The following PCYT2 variants were observed in gnomAD, a reference collection of about 807,000 sequenced individuals.
PCYT2 encodes the protein ethanolamine-phosphate cytidylyltransferase.
Under a neutral mutation model 50.0 loss-of-function variants are expected in PCYT2, and 33 were observed. The observed-to-expected ratio is 0.66, with a 90% confidence interval of 0.50 to 0.88. The LOEUF is 0.88. Among genes scored for constraint, PCYT2 ranks in the 40% least tolerant of loss-of-function variants. The probability of loss-of-function intolerance (pLI) is 0.00; values close to 1 mark genes in which losing one functional copy is unlikely to be tolerated. For synonymous variants in PCYT2, 240 were observed against 203.7 expected (o/e 1.18, Z -1.52); for missense variants, 430 against 519.7 (o/e 0.83, Z 1.68).
intron 3 of PCYT2, 37 bp downstream of exon 3, chr17:81,908,839 T>C: frequency 1.9e-6 from 3 of 1,569,190 alleles, no homozygotes; most frequent in Non-Finnish European, 2.6e-6. Context: ...AGCCACCTGA[T>C]GTCCCCAGGC....
Position 81,902,472 on chromosome 17 carries a change from G to T in PCYT2, c.*2361C>A. The stretch of plus-strand genomic sequence containing the variant: ...AGCCCTACAGAGGGGCGGAACCCCC[G>T]GGCGGGGCCGGCGCCTCCCCGGAGC... On this transcript the variant is annotated 3_prime_UTR_variant, in exon 13 of 13. Transcript: ENST00000538936. 1 of 1,390,920 alleles carries T rather than the reference G, an allele frequency of 7.2e-7. No homozygotes were observed. Among genetic ancestry groups the T allele is most frequent in the Non-Finnish European group, 9.2e-7 (1 of 1,081,364 alleles). 86.2% of individuals were successfully genotyped at this position (1,390,920 alleles called of 1,614,324 possible). A position where few individuals can be genotyped will look rare whatever the true frequency, so the allele number is the denominator to read the frequency against.
Position 81,902,729 on chromosome 17 carries a change from C to A in PCYT2, c.*2104G>T. On this transcript the variant is annotated 3_prime_UTR_variant, in exon 13 of 13. Transcript: ENST00000538936. ...AACGTCTTCCTGTCCCTGCGCGCAG[C>A]CGACTGCCTCGCCGCCTGAGCCCGG... 2 of 1,607,542 alleles carry A rather than the reference C, an allele frequency of 1.2e-6. No homozygotes were observed. The highest frequency in any genetic ancestry group is 1.7e-6 in the Non-Finnish European group (2 of 1,178,176).
intron 1 of PCYT2, among the ~76,000 whole-genome samples, chr17:81,910,569 C>T (rs559387626): frequency 2.6e-5 from 4 of 152,190 alleles, no homozygotes. Flanking sequence ...AGGGCAAGGT[C>T]AAAGTCCACT....
At chr17:81,910,560 G>C (rs1224224750) in intron 1 of PCYT2, among the ~76,000 whole-genome samples, 1 of 152,206 alleles carries the variant, frequency 6.6e-6, no homozygotes, top group Non-Finnish European at 1.5e-5. Context: ...GGCCTGGTCA[G>C]GGCAAGGTCA....
intron 6 of PCYT2, chr17:81,907,233 C>A (rs1412688883): frequency 6.5e-7 from 1 of 1,534,444 alleles, no homozygotes; most frequent in Non-Finnish European, 8.7e-7. Flanking sequence ...GAAAGTATGT[C>A]CCCGGCGGGT....
rs779036132 is a variant in PCYT2 at position 81,907,757 on chromosome 17, TCCG to T, written c.492+13_492+15del. The stretch of plus-strand genomic sequence containing the variant: ...ACCTCGACCCAGGGGCCTCGGGGAT[TCCG>T]CCGCCGACTCACCTGGCTGCTGTGA... On this transcript the variant is annotated intron_variant, in intron 5 of 12. Transcript: ENST00000538936. 2 of 1,612,094 alleles carry T rather than the reference TCCG, an allele frequency of 1.2e-6. No homozygotes were observed. The highest frequency in any genetic ancestry group is 4.5e-5 in the East Asian group (2 of 44,898).
chr17:81,905,984 G>T, intron 9 of PCYT2, 116 bp downstream of exon 9: 1 of 914,664 alleles, frequency 1.1e-6, no homozygotes, highest in Non-Finnish European at 1.7e-6. Context: ...CGGGGTGCTG[G>T]GTGCAGCTCT....
At chr17:81,907,202 A>AC (rs2040321366) in intron 6 of PCYT2, 1 of 1,531,320 alleles carries the variant, frequency 6.5e-7, no homozygotes, top group Non-Finnish European at 8.7e-7. Flanking sequence ...CTGTCTGGTC[A>AC]CCTGGGAGCA....
intron 6 of PCYT2, chr17:81,907,313 A>G: frequency 6.9e-7 from 1 of 1,451,168 alleles, no homozygotes; most frequent in Non-Finnish European, 9.2e-7. Context: ...TCCACAGGCA[A>G]ATCCTTGCTC....
At chr17:81,906,982 C>T (rs1489051151) in intron 6 of PCYT2, 84 bp from the exon 7 acceptor site, 9 of 1,447,222 alleles carry the variant, frequency 6.2e-6, no homozygotes, top group South Asian at 3.8e-5. Context: ...TCAGCTGTCA[C>T]CTGCCAGCAA....
In PCYT2 at chr17:81,907,369, G is replaced by A. The variant is rs1032530578; in HGVS notation, c.537+185C>T. ...GACCGGCCAGCCGGTGCCACCACCC[G>A]CCTGCCCTCCCTCCCAGCATCCACC... On this transcript the variant is annotated intron_variant, in intron 6 of 12. Coordinates refer to ENST00000538936, the MANE Select transcript of PCYT2 (RefSeq NM_002861.5). The A allele has an allele frequency of 2.6e-5, 32 of 1,216,594 alleles. 1 individual carries two copies. Among genetic ancestry groups the A allele is most frequent in the African/African-American group, 3.0e-5 (2 of 67,094 alleles). 75.4% of individuals were successfully genotyped at this position (1,216,594 alleles called of 1,614,324 possible).
chr17:81,907,509 C>T (rs984210731), intron 6 of PCYT2, 45 bp downstream of exon 6: 8 of 1,575,006 alleles, frequency 5.1e-6, no homozygotes, highest in East Asian at 2.3e-5. Flanking sequence ...CCGGGGGAGC[C>T]CCCTGCAGCT....
chr17:81,902,531 G>A lies in PCYT2; in HGVS notation c.*2302C>T, dbSNP rs942777659. On this transcript the variant is annotated 3_prime_UTR_variant, in exon 13 of 13. Transcript: ENST00000538936. ...CACCCCAGGCTGCGGAGCCTCGTGA[G>A]TCCGGCGTGCCGGGGACTGATGGGG... 2 of 1,461,404 alleles carry A rather than the reference G, an allele frequency of 1.4e-6. No homozygotes were observed. Among genetic ancestry groups the A allele is most frequent in the African/African-American group, 1.5e-5 (1 of 66,974 alleles). The allele number at this position is 1,461,404 out of a possible 1,614,324, so 90.5% of individuals were successfully genotyped here. A position where few individuals can be genotyped will look rare whatever the true frequency, so the allele number is the denominator to read the frequency against.
chr17:81,909,475 G>A, intron 2 of PCYT2, 39 bp downstream of exon 2: 1 of 1,568,744 alleles, frequency 6.4e-7, no homozygotes, highest in African/African-American at 1.3e-5. Context: ...CCACAGGAGG[G>A]CTGGGGGGCC....
In PCYT2 at chr17:81,902,577, G is replaced by T; in HGVS notation, c.*2256C>A. 3 of 1,516,286 alleles carry T rather than the reference G, an allele frequency of 2.0e-6. No homozygotes were observed. The South Asian group carries it at 3.7e-5, about 19-fold the overall frequency. The allele number at this position is 1,516,286 out of a possible 1,614,324, so 93.9% of individuals were successfully genotyped here. ...TGGGGGGCGGCGGCAGGACGTGGGT[G>T]GGGGTGCGGCGGCCCCTCAGCCTTT... On this transcript the variant is annotated 3_prime_UTR_variant, in exon 13 of 13. Coordinates refer to ENST00000538936, the MANE Select transcript of PCYT2 (RefSeq NM_002861.5).
Position 81,906,747 on chromosome 17 carries a change from G to T in PCYT2, c.676+13C>A. On this transcript the variant is annotated intron_variant, in intron 7 of 12. Coordinates refer to ENST00000538936, the MANE Select transcript of PCYT2 (RefSeq NM_002861.5). The stretch of plus-strand genomic sequence containing the variant: ...TGGCACATGTAGGGGAGCAGCAGAG[G>T]CCCAGAGGATACGGAACAGGTCGAA... 6.2e-7 allele frequency: 1 copy of T among 1,612,048 alleles called. No homozygotes were observed. Among genetic ancestry groups the T allele is most frequent in the Non-Finnish European group, 8.5e-7 (1 of 1,179,312 alleles).
In PCYT2 at chr17:81,901,931, G is replaced by A. The variant is rs984672836; in HGVS notation, c.*2902C>T. On this transcript the variant is annotated 3_prime_UTR_variant, in exon 13 of 13. Coordinates refer to ENST00000538936, the MANE Select transcript of PCYT2 (RefSeq NM_002861.5). ...CAGGAGTACTGGGGATTGCCTGGGGGACGACTCCTAGGGCTGGGCGCCCGT... is the reference window on the plus strand; with the variant it reads ...CAGGAGTACTGGGGATTGCCTGGGGAACGACTCCTAGGGCTGGGCGCCCGT... The A allele has an allele frequency of 1.6e-5, 3 of 184,488 alleles. No homozygotes were observed. The highest frequency in any genetic ancestry group is 2.4e-5 in the African/African-American group (1 of 42,528). The allele number at this position is 184,488 out of a possible 1,614,324, so 11.4% of individuals were successfully genotyped here. A position where few individuals can be genotyped will look rare whatever the true frequency, so the allele number is the denominator to read the frequency against.
chr17:81,906,557 G>A lies in PCYT2; in HGVS notation c.677-11C>T. On this transcript the variant is annotated splice_polypyrimidine_tract_variant and intron_variant, in intron 7 of 12. Transcript: ENST00000538936. ...CCACATGCCCGATGTCTGCACCCAG[G>A]TTAAGAAGCAGTCGGGATGGGGATG... is the stretch of plus-strand genomic sequence containing the variant. The A allele has an allele frequency of 1.2e-6, 2 of 1,612,940 alleles. No homozygotes were observed. The highest frequency in any genetic ancestry group is 1.1e-5 in the South Asian group (1 of 91,080).
intron 11 of PCYT2, 79 bp downstream of exon 11, chr17:81,905,303 G>T: frequency 7.1e-7 from 1 of 1,400,228 alleles, no homozygotes; most frequent in Non-Finnish European, 9.9e-7. Flanking sequence ...CCGTTTCCCA[G>T]GCAGGCACAG....
Sources: gnomAD v4.1 joint callset for allele counts (sites outside exome capture counted in the v4.1 genomes callset) on GRCh38, gnomAD v4.1.1 for gene constraint, MANE v1.5 for transcripts, NCBI Gene and HGNC (gene_info 2026-07-23, HGNC 2026-07-21) for gene names.